ADARB1: variants seen among roughly 807,000 people sequenced by gnomAD.
The protein encoded by ADARB1 is double-stranded RNA-specific editase 1.
A neutral mutation model predicts 52.4 loss-of-function variants in ADARB1; 10 were observed. That is an observed-to-expected ratio of 0.19 (90% CI 0.12 to 0.32). The LOEUF (loss-of-function observed/expected upper bound fraction) is 0.32, where lower values mean the gene tolerates loss of function less well. Among genes scored for constraint, ADARB1 ranks in the 10% least tolerant of loss-of-function variants. The pLI is 1.00. For missense variants in ADARB1, 643 were observed against 922.3 expected (o/e 0.70, Z 3.92); for synonymous variants, 349 against 371.1 (o/e 0.94, Z 0.68).
intron 3 of ADARB1, 92 bp downstream of exon 3, chr21:45,171,776 G>A (rs1473412201): frequency 2.4e-6 from 3 of 1,237,030 alleles, no homozygotes; most frequent in Admixed American, 4.7e-5. Flanking sequence ...GACCAGTGTG[G>A]GGATTGTGTT....
intron 1 of ADARB1, among the ~76,000 whole-genome samples, chr21:45,124,361 C>T (rs1482585868): frequency 2.0e-5 from 3 of 152,096 alleles, no homozygotes; most frequent in South Asian, 2.1e-4. Flanking sequence ...TTCCTTCCTT[C>T]CTTCCCTTTT....
intron 2 of ADARB1, among the ~76,000 whole-genome samples, chr21:45,154,234 A>G (rs538031421): frequency 6.6e-6 from 1 of 152,352 alleles, no homozygotes; most frequent in Non-Finnish European, 1.5e-5. Context: ...AATGAGGCCC[A>G]CATATTAAAT....
intron 2 of ADARB1, among the ~76,000 whole-genome samples, chr21:45,147,689 C>G (rs1362816389): frequency 2.0e-5 from 3 of 152,230 alleles, no homozygotes; most frequent in Admixed American, 6.5e-5. Context: ...CGGGCTGGCC[C>G]CAGAGCTGTG....
intron 2 of ADARB1, among the ~76,000 whole-genome samples, chr21:45,139,142 A>G (rs577662594): frequency 1.6e-4 from 25 of 151,884 alleles, no homozygotes; most frequent in Middle Eastern, 6.8e-3. Context: ...GCTGGTCTTG[A>G]ACTCCTGGGC....
chr21:45,131,389 T>C (rs143231051), intron 2 of ADARB1, among the ~76,000 whole-genome samples: 6 of 152,258 alleles, frequency 3.9e-5, no homozygotes, highest in African/African-American at 1.2e-4. Context: ...GAACATTGAG[T>C]GTATGTTAAA....
At position 45,136,184 on chromosome 21, in the gene ADARB1, A is replaced by G. The variant is rs141692512; in HGVS notation, c.-48+7611A>G. 6.6e-5 allele frequency among the ~76,000 whole-genome samples: 10 copies of G among 152,180 alleles called. No homozygotes were observed. In the East Asian group the frequency reaches 1.9e-3, roughly 29 times the overall value. ...TGCTGTGAGGACTCGCTCTCTTAGGACAGGTCCACTGTCTCTGAGCTCTGG... is the reference window on the plus strand; with the variant it reads ...TGCTGTGAGGACTCGCTCTCTTAGGGCAGGTCCACTGTCTCTGAGCTCTGG... On this transcript the variant is annotated intron_variant, in intron 2 of 10. Transcript: ENST00000348831.
chr21:45,192,023 A>T (rs2092314857), intron 8 of ADARB1, among the ~76,000 whole-genome samples: 2 of 151,346 alleles, frequency 1.3e-5, no homozygotes, highest in South Asian at 2.1e-4. Context: ...TCTAGAACAA[A>T]TTTTTAGCCT....
rs534340011 is a variant in ADARB1 at position 45,204,507 on chromosome 21, G to C, written c.1566-48G>C. On this transcript the variant is annotated intron_variant, in intron 8 of 10. Coordinates refer to ENST00000348831, the MANE Select transcript of ADARB1 (RefSeq NM_001112.4). This position sits in a 1 kb window ranked among gnomAD's most constrained non-coding sequence, Gnocchi z 4.4. ...ACGCAGGCTTGGGCTGGGCTGCGTC[G>C]ACACTGAGTCCGAGCTCCCTGAAGA... 9.4e-6 allele frequency: 15 copies of C among 1,588,238 alleles called. No individual in the cohort carries two copies. The highest frequency in any genetic ancestry group is 1.4e-5 in the African/African-American group (1 of 71,556).
At position 45,146,453 on chromosome 21, in the gene ADARB1, C is replaced by T. The variant is rs540035711; in HGVS notation, c.-48+17880C>T. On this transcript the variant is annotated intron_variant, in intron 2 of 10. Transcript: ENST00000348831. ...CAAGGCAACCTGGTTTCAGCCGGACCGGGACTCTCCCGGGGCTGCGTCCTG... is the reference window on the plus strand; with the variant it reads ...CAAGGCAACCTGGTTTCAGCCGGACTGGGACTCTCCCGGGGCTGCGTCCTG... 3.3e-5 allele frequency among the ~76,000 whole-genome samples: 5 copies of T among 152,288 alleles called. No individual in the cohort carries two copies. The South Asian group carries it at 8.3e-4, about 25-fold the overall frequency.
intron 1 of ADARB1, among the ~76,000 whole-genome samples, chr21:45,090,527 G>A (rs3788156): frequency 0.09 from 13,684 of 152,116 alleles, 728 homozygotes; most frequent in East Asian, 0.16. Context: ...TCAAGCTACC[G>A]ATGAGCTGTC....
intron 2 of ADARB1, among the ~76,000 whole-genome samples, chr21:45,168,891 C>A (rs1292664341): frequency 6.6e-6 from 1 of 152,074 alleles, no homozygotes; most frequent in Non-Finnish European, 1.5e-5. Flanking sequence ...TTTATTGGAA[C>A]CTGATTATAT....
rs369156165 is a variant in ADARB1 at position 45,223,345 on chromosome 21, G to A, written c.*1148G>A. Reference sequence around the variant, plus strand: ...TAGGCCAGACATTGACAGTCCTGACGGGAGCTCAGGGCTGCCCAGCGCCCA... The same window carrying A: ...TAGGCCAGACATTGACAGTCCTGACAGGAGCTCAGGGCTGCCCAGCGCCCA... On this transcript the variant is annotated 3_prime_UTR_variant, in exon 11 of 11. Coordinates refer to ENST00000348831, the MANE Select transcript of ADARB1 (RefSeq NM_001112.4). 7 of 985,520 alleles carry A rather than the reference G, an allele frequency of 7.1e-6. No individual in the cohort carries two copies. Among genetic ancestry groups the A allele is most frequent in the East Asian group, 2.3e-4 (2 of 8,812 alleles). The allele number at this position is 985,520 out of a possible 1,614,324, so 61.0% of individuals were successfully genotyped here. A position where few individuals can be genotyped will look rare whatever the true frequency, so the allele number is the denominator to read the frequency against.
chr21:45,121,263 C>T (rs1261570064), intron 1 of ADARB1, among the ~76,000 whole-genome samples: 1 of 152,194 alleles, frequency 6.6e-6, no homozygotes, highest in Non-Finnish European at 1.5e-5. Flanking sequence ...CATATTCTTT[C>T]TCTACAAGAG....
At chr21:45,192,821 T>G (rs2092335360) in intron 8 of ADARB1, among the ~76,000 whole-genome samples, 1 of 152,188 alleles carries the variant, frequency 6.6e-6, no homozygotes, top group Admixed American at 6.5e-5. Context: ...CTATGCCAAT[T>G]GACAATTTAG....
At chr21:45,153,202 T>G (rs1403628231) in intron 2 of ADARB1, among the ~76,000 whole-genome samples, 1 of 152,210 alleles carries the variant, frequency 6.6e-6, no homozygotes, top group East Asian at 1.9e-4. Flanking sequence ...TTAATACCAG[T>G]TTTTAATTCA....
At chr21:45,088,696 C>G (rs1008303595) in intron 1 of ADARB1, among the ~76,000 whole-genome samples, 5 of 152,184 alleles carry the variant, frequency 3.3e-5, no homozygotes, top group Non-Finnish European at 7.3e-5. Context: ...CTCGAAGTAT[C>G]TCTTCCTCAA....
chr21:45,205,032 G>A (rs1187717913), intron 9 of ADARB1, among the ~76,000 whole-genome samples: 1 of 152,156 alleles, frequency 6.6e-6, no homozygotes, highest in African/African-American at 2.4e-5. Context: ...CCAAGGCCTA[G>A]TGGATTGCTT....
intron 2 of ADARB1, among the ~76,000 whole-genome samples, chr21:45,149,523 A>G (rs1204006875): frequency 1.3e-5 from 2 of 152,246 alleles, no homozygotes; most frequent in South Asian, 2.1e-4. Flanking sequence ...TGACAACTAC[A>G]TCTTCAAAAT....
chr21:45,154,123 A>G (rs1300601423), intron 2 of ADARB1, among the ~76,000 whole-genome samples: 2 of 152,202 alleles, frequency 1.3e-5, no homozygotes, highest in East Asian at 3.8e-4. Flanking sequence ...TGTCTTTTTC[A>G]TGCATTCCAT....
Sources: allele counts gnomAD v4.1 joint callset (sites outside exome capture counted in the v4.1 genomes callset), GRCh38; gene constraint gnomAD v4.1.1; non-coding constraint Gnocchi (gnomAD v3.1); transcripts MANE v1.5; gene names NCBI Gene and HGNC (gene_info 2026-07-23, HGNC 2026-07-21).